The following SORCS2 variants were observed in gnomAD, a reference collection of about 807,000 sequenced individuals.
SORCS2 encodes the protein sortilin related VPS10 domain containing receptor 2.
Under a neutral mutation model 141.6 loss-of-function variants are expected in SORCS2, and 100 were observed. The observed-to-expected ratio is 0.71, with a 90% confidence interval of 0.60 to 0.83. SORCS2 has a LOEUF of 0.83. Ranked by LOEUF, SORCS2 falls within the 40% of genes least tolerant of loss-of-function variation. The pLI is 0.00. For missense variants in SORCS2, 1,646 were observed against 1,560.2 expected, an observed-to-expected ratio of 1.05 and a Z score of -0.93; for synonymous variants, 789 against 676.9, an observed-to-expected ratio of 1.17 and a Z score of -2.57.
At chr4:7,533,508 G>A (rs914278718) in intron 3 of SORCS2, among the ~76,000 whole-genome samples, 5 of 152,312 alleles carry the variant, frequency 3.3e-5, no homozygotes, top group East Asian at 3.9e-4. Flanking sequence ...GCCTTCCAGC[G>A]GCTGCCCTTC....
At chr4:7,494,879 T>C (rs565981536) in intron 2 of SORCS2, among the ~76,000 whole-genome samples, 1 of 152,296 alleles carries the variant, frequency 6.6e-6, no homozygotes, top group South Asian at 2.1e-4. Flanking sequence ...TCTCTGCCGC[T>C]CTGAACTGGA....
intron 4 of SORCS2, among the ~76,000 whole-genome samples, chr4:7,653,146 C>T (rs1408982945): frequency 1.3e-5 from 2 of 152,236 alleles, no homozygotes; most frequent in Non-Finnish European, 2.9e-5. Flanking sequence ...AGCTGAGAAC[C>T]CCTCCCGAGG....
At chr4:7,682,956 A>G in intron 10 of SORCS2, 67 bp downstream of exon 10, 1 of 1,549,916 alleles carries the variant, frequency 6.5e-7, no homozygotes. Context: ...TCAGTAATCA[A>G]GAAGGTCAGA....
At chr4:7,672,416 G>T (rs959387470) in intron 8 of SORCS2, among the ~76,000 whole-genome samples, 1 of 152,156 alleles carries the variant, frequency 6.6e-6, no homozygotes, top group Non-Finnish European at 1.5e-5. Context: ...GAAGGTGTTG[G>T]TTCATTAGAC....
At chr4:7,737,230 A>T in intron 26 of SORCS2, 58 bp downstream of exon 26, 1 of 1,544,438 alleles carries the variant, frequency 6.5e-7, no homozygotes. Context: ...GTCCGCCCCA[A>T]ACCCACCCCG....
chr4:7,310,151 C>T (rs898708472), intron 1 of SORCS2, among the ~76,000 whole-genome samples: 6 of 152,176 alleles, frequency 3.9e-5, no homozygotes, highest in South Asian at 4.1e-4. Flanking sequence ...CATGCTTGTG[C>T]GTGGAGAGCT....
chr4:7,536,835 G>T (rs868119418), intron 3 of SORCS2, among the ~76,000 whole-genome samples: 742 of 31,944 alleles, frequency 0.023, 17 homozygotes, highest in African/African-American at 0.029. Context: ...TCAGATGTGG[G>T]GGGGGGGGGC....
chr4:7,330,456 C>T (rs1464126597), intron 1 of SORCS2, among the ~76,000 whole-genome samples: 1 of 151,772 alleles, frequency 6.6e-6, no homozygotes, highest in Non-Finnish European at 1.5e-5. Flanking sequence ...CTACCATCCA[C>T]CCCCACGCAC....
At position 7,329,278 on chromosome 4, in the gene SORCS2, A is replaced by G. The variant is rs542928794; in HGVS notation, c.481-67010A>G. Among the ~76,000 whole-genome samples, 91 of 152,344 alleles carry G rather than the reference A, an allele frequency of 6.0e-4. No individual in the cohort carries two copies. In the South Asian group the frequency reaches 0.019, roughly 32 times the overall value. ...GTCAGTCTGCCTACGTGGACCCAGC[A>G]GCATTCACACTTGGCAAGAGGACAG... On this transcript the variant is annotated intron_variant, in intron 1 of 26. Transcript: ENST00000507866.
chr4:7,330,403 C>T (rs907153482), intron 1 of SORCS2, among the ~76,000 whole-genome samples: 1 of 151,928 alleles, frequency 6.6e-6, no homozygotes, highest in Admixed American at 6.6e-5. Context: ...CCCAAAGGTG[C>T]CTGCGCCCTC....
chr4:7,713,006 G>A (rs1262044121), intron 15 of SORCS2, among the ~76,000 whole-genome samples, 153 bp downstream of exon 15: 7 of 152,134 alleles, frequency 4.6e-5, no homozygotes, highest in Admixed American at 2.6e-4. Flanking sequence ...GAGATGTCCA[G>A]GCCTCCTGTG....
In SORCS2 at chr4:7,742,332, A is replaced by G. The variant is rs1712740537; in HGVS notation, c.*2068A>G. On this transcript the variant is annotated 3_prime_UTR_variant, in exon 27 of 27. Transcript: ENST00000507866. ...CAGGCACACAGGGACAGACATGGCG[A>G]GCACAGTGCAGGCCCGGGGCCCACG... is the stretch of plus-strand genomic sequence containing the variant. The G allele has an allele frequency of 6.6e-6, 1 of 152,286 alleles. No individual in the cohort carries two copies. The highest frequency in any genetic ancestry group is 2.1e-4 in the South Asian group (1 of 4,826). The allele number at this position is 152,286 out of a possible 1,614,324, so 9.4% of individuals were successfully genotyped here.
chr4:7,460,635 A>G (rs1377374601), intron 2 of SORCS2, among the ~76,000 whole-genome samples: 1 of 152,100 alleles, frequency 6.6e-6, no homozygotes, highest in African/African-American at 2.4e-5. Context: ...GCATGCCGAG[A>G]GCTGTGTAAT....
At position 7,571,926 on chromosome 4, in the gene SORCS2, C is replaced by T. The variant is rs529854961; in HGVS notation, c.648+40297C>T. 1.1e-4 allele frequency among the ~76,000 whole-genome samples: 17 copies of T among 152,306 alleles called. No individual in the cohort carries two copies. In the South Asian group the frequency reaches 3.1e-3, roughly 28 times the overall value. ...ACACTTAGCTGCTGACAGTGTCATC[C>T]GCTCAACTCAGCAAACGTGCCCTAC... On this transcript the variant is annotated intron_variant, in intron 3 of 26. Transcript: ENST00000507866.
intron 1 of SORCS2, among the ~76,000 whole-genome samples, chr4:7,316,468 G>A (rs1008933777): frequency 6.6e-6 from 1 of 152,158 alleles, no homozygotes; most frequent in African/African-American, 2.4e-5. Flanking sequence ...ACAAGTAAGT[G>A]GATACAAACT....
intron 1 of SORCS2, among the ~76,000 whole-genome samples, chr4:7,361,951 G>A (rs1038326613): frequency 1.3e-5 from 2 of 152,094 alleles, no homozygotes; most frequent in African/African-American, 2.4e-5. Flanking sequence ...CCAGGAGGGG[G>A]CATGCTCACT....
At chr4:7,625,961 A>T (rs1719490870) in intron 3 of SORCS2, among the ~76,000 whole-genome samples, 1 of 152,042 alleles carries the variant, frequency 6.6e-6, no homozygotes, top group South Asian at 2.1e-4. Context: ...CAATGTAGGG[A>T]GACCCTGTCT....
intron 4 of SORCS2, among the ~76,000 whole-genome samples, chr4:7,645,924 C>T (rs941265605): frequency 2.6e-5 from 4 of 152,170 alleles, no homozygotes; most frequent in East Asian, 1.9e-4. Context: ...CTCCCAAGGC[C>T]GTGGTGAGTG....
chr4:7,651,901 A>C (rs116922210), intron 4 of SORCS2, among the ~76,000 whole-genome samples: 1 of 152,302 alleles, frequency 6.6e-6, no homozygotes, highest in East Asian at 1.9e-4. Context: ...CCATGGAAAC[A>C]TTCTCTGGGT....
Sources: gnomAD v4.1 joint callset for allele counts (sites outside exome capture counted in the v4.1 genomes callset) on GRCh38, gnomAD v4.1.1 for gene constraint, MANE v1.5 for transcripts, NCBI Gene and HGNC (gene_info 2026-07-23, HGNC 2026-07-21) for gene names.